The following KCNC4 variants were observed in gnomAD, a reference collection of about 807,000 sequenced individuals.
KCNC4 encodes the protein voltage-gated potassium channel KCNC4.
KCNC4 carries 23 observed loss-of-function variants against 42.8 expected under a neutral mutation model. The ratio of observed to expected loss-of-function variants is 0.54; its 90% CI spans 0.39 to 0.76. The LOEUF (loss-of-function observed/expected upper bound fraction) is 0.76, where lower values mean the gene tolerates loss of function less well. KCNC4 is among the 30% of genes least tolerant of loss of function. The probability of loss-of-function intolerance (pLI) is 0.00; values close to 1 mark genes in which losing one functional copy is unlikely to be tolerated. For missense variants in KCNC4, 751 were observed against 898.2 expected (o/e 0.84, Z 2.10); for synonymous variants, 422 against 393.5 (o/e 1.07, Z -0.86).
chr1:110,244,754 T>C (rs1284078233), exon 4 of KCNC4: 1 of 152,270 alleles, frequency 6.6e-6, no homozygotes, highest in East Asian at 1.9e-4. Flanking sequence ...CTGACTTCTC[T>C]AGAATTCAGG....
chr1:110,248,649 G>C (rs1324412444), exon 4 of KCNC4: 1 of 152,134 alleles, frequency 6.6e-6, no homozygotes, highest in Admixed American at 6.5e-5. Flanking sequence ...CAGTTAATGA[G>C]TTCAATAAAA....
chr1:110,264,810 A>G (rs6662049), intron 1 of KCNC4, among the ~76,000 whole-genome samples: 111,014 of 152,008 alleles, frequency 0.73, 40,984 homozygotes, highest in African/African-American at 0.84. Flanking sequence ...GGCTGGGCGC[A>G]GTGGCTCATG....
intron 1 of KCNC4, among the ~76,000 whole-genome samples, chr1:110,214,819 A>C (rs72988885): frequency 0.043 from 6,565 of 152,296 alleles, 322 homozygotes; most frequent in African/African-American, 0.12. Context: ...GACATCAGAA[A>C]ACCCAGGGGC....
downstream of KCNC4, among the ~76,000 whole-genome samples, chr1:110,251,187 C>T (rs183160115): frequency 3.4e-4 from 51 of 152,238 alleles, no homozygotes; most frequent in Admixed American, 6.5e-4. Context: ...CTTAAAGAGT[C>T]CACTTAGAGG....
At chr1:110,252,264 G>A (rs954764568), downstream of KCNC4, among the ~76,000 whole-genome samples, 13 of 152,284 alleles carry the variant, frequency 8.5e-5, no homozygotes, top group African/African-American at 2.4e-4. Flanking sequence ...AAATAAATCC[G>A]TTAAAATGAT....
chr1:110,247,745 A>C (rs564846383), exon 4 of KCNC4: 1 of 151,672 alleles, frequency 6.6e-6, no homozygotes, highest in South Asian at 2.1e-4. Context: ...AGTAAAGACG[A>C]GTTTCACCAT....
At chr1:110,232,566 G>T in intron 3 of KCNC4, 11 of 1,435,122 alleles carry the variant, frequency 7.7e-6, no homozygotes, top group Non-Finnish European at 9.1e-6. Flanking sequence ...TAAGAGGCTA[G>T]TGGTTCCTGG....
downstream of KCNC4, chr1:110,235,101 C>T (rs1276774116): frequency 5.9e-5 from 9 of 152,332 alleles, no homozygotes; most frequent in Admixed American, 5.9e-4. Flanking sequence ...TCCAGCTGCA[C>T]CAAGAAAGGA....
At chr1:110,283,572 G>A (rs1013595778), downstream of KCNC4, among the ~76,000 whole-genome samples, 7 of 152,158 alleles carry the variant, frequency 4.6e-5, no homozygotes, top group East Asian at 1.9e-4. Flanking sequence ...TTTTCTGGAC[G>A]CCTAGCAGAC....
At position 110,210,691 on chromosome 1, in the gene KCNC4, C is replaced by T. The variant is rs1158995238; in HGVS notation, c.-809C>T. ...GCGCAGGACGCCCCGTCTGAGGCAC[C>T]CCCGCCCCAGCGCGGCCCCCGCAGC... is the stretch of plus-strand genomic sequence containing the variant. On this transcript the variant is annotated 5_prime_UTR_variant, in exon 1 of 4. Coordinates refer to ENST00000438661, the MANE Select transcript of KCNC4 (RefSeq NM_001039574.3). Among the ~76,000 whole-genome samples, 1 of 151,280 alleles carries T rather than the reference C, an allele frequency of 6.6e-6. No individual in the cohort carries two copies. The highest frequency in any genetic ancestry group is 1.5e-5 in the Non-Finnish European group (1 of 67,736).
At chr1:110,276,200 G>A (rs1659721621) in intron 1 of KCNC4, among the ~76,000 whole-genome samples, 1 of 141,178 alleles carries the variant, frequency 7.1e-6, no homozygotes, top group African/African-American at 2.7e-5. Flanking sequence ...TGGGTACAAT[G>A]TACATTATTC....
chr1:110,225,007 C>T (rs1319130659), intron 2 of KCNC4: 2 of 152,240 alleles, frequency 1.3e-5, no homozygotes, highest in Admixed American at 1.3e-4. Context: ...CTTCCGAAGG[C>T]CTTGATAGAA....
chr1:110,276,964 A>T (rs146573201), intron 1 of KCNC4, among the ~76,000 whole-genome samples: 1 of 152,216 alleles, frequency 6.6e-6, no homozygotes, highest in African/African-American at 2.4e-5. Context: ...TACCAATACC[A>T]CCCACACATT....
chr1:110,271,714 A>G (rs2101086351), intron 1 of KCNC4, among the ~76,000 whole-genome samples: 1 of 152,048 alleles, frequency 6.6e-6, no homozygotes, highest in Middle Eastern at 3.4e-3. Flanking sequence ...TTTGCTAGGA[A>G]GCAAACAATC....
intron 1 of KCNC4, among the ~76,000 whole-genome samples, chr1:110,281,952 G>A (rs1191294543): frequency 1.3e-5 from 2 of 152,310 alleles, no homozygotes; most frequent in African/African-American, 4.8e-5. Flanking sequence ...GGCCTTCCCA[G>A]GCTGCGCTGG....
At chr1:110,219,560 C>G (rs1179326159) in intron 1 of KCNC4, among the ~76,000 whole-genome samples, 2 of 152,120 alleles carry the variant, frequency 1.3e-5, no homozygotes, top group African/African-American at 4.8e-5. Flanking sequence ...GAGGGAGGCT[C>G]GGATCTCCAC....
exon 4 of KCNC4, chr1:110,246,840 A>G (rs560564043): frequency 6.8e-6 from 1 of 146,368 alleles, no homozygotes; most frequent in Non-Finnish European, 1.5e-5. Context: ...CAGTAGTTAT[A>G]TCAGGGCTTT....
At chr1:110,214,034 G>A (rs1657648333) in intron 1 of KCNC4, among the ~76,000 whole-genome samples, 1 of 152,178 alleles carries the variant, frequency 6.6e-6, no homozygotes. Context: ...ATATCATTGA[G>A]TTTATTTTCT....
At chr1:110,245,080 A>G (rs1659115956) in exon 4 of KCNC4, 1 of 152,230 alleles carries the variant, frequency 6.6e-6, no homozygotes, top group Non-Finnish European at 1.5e-5. Flanking sequence ...GAGGAAAGCT[A>G]AATTGAGGAG....
Sources: gnomAD v4.1 joint callset for allele counts (sites outside exome capture counted in the v4.1 genomes callset) on GRCh38, gnomAD v4.1.1 for gene constraint, MANE v1.5 for transcripts, NCBI Gene and HGNC (gene_info 2026-07-23, HGNC 2026-07-21) for gene names.